The following ZFYVE9 variants were observed in gnomAD, a reference collection of about 807,000 sequenced individuals.
ZFYVE9 encodes the protein zinc finger FYVE domain-containing protein 9.
ZFYVE9 carries 43 observed loss-of-function variants against 126.7 expected under a neutral mutation model. The observed-to-expected ratio is 0.34, with a 90% CI of 0.27 to 0.44. The LOEUF (loss-of-function observed/expected upper bound fraction) is 0.44, where lower values mean the gene tolerates loss of function less well. ZFYVE9 is among the 20% of genes least tolerant of loss of function. The pLI is 1.00. For synonymous variants in ZFYVE9, 521 were observed against 597.4 expected (o/e 0.87, Z 1.87); for missense variants, 1,476 against 1,697.0 (o/e 0.87, Z 2.29).
chr1:52,320,066 G>T (rs1466077832), intron 13 of ZFYVE9, among the ~76,000 whole-genome samples: 1 of 92,364 alleles, frequency 1.1e-5, no homozygotes, highest in Non-Finnish European at 2.3e-5. Context: ...CTTCTTAGAT[G>T]ATGTTAAGAC....
rs576357763 is a variant in ZFYVE9 at position 52,146,637 on chromosome 1, T to A, written c.-143+4234T>A. 1.2e-4 allele frequency among the ~76,000 whole-genome samples: 19 copies of A among 152,270 alleles called. 1 individual carries two copies. In the South Asian group the frequency reaches 3.9e-3, roughly 32 times the overall value. The stretch of plus-strand genomic sequence containing the variant: ...TATAGTTCAGTCCCATGAGTCCTGG[T>A]AAATCCGGACTCTGGAATTGGAAAA... On this transcript the variant is annotated intron_variant, in intron 1 of 18. Transcript: ENST00000287727.
At chr1:52,181,397 C>G (rs1040531219) in intron 1 of ZFYVE9, among the ~76,000 whole-genome samples, 2 of 152,222 alleles carry the variant, frequency 1.3e-5, no homozygotes, top group African/African-American at 4.8e-5. Context: ...CAATGGTGCC[C>G]AGGCTGGAGT....
intron 1 of ZFYVE9, among the ~76,000 whole-genome samples, chr1:52,149,370 A>C (rs569761489): frequency 5.4e-4 from 82 of 152,298 alleles, no homozygotes; most frequent in Non-Finnish European, 7.4e-4. Context: ...CTGGGATTAC[A>C]GACGTGAGCC....
rs767025251 is a variant in ZFYVE9, at chr1:52,293,546, A to G, written c.3119A>G (p.Tyr1040Cys). The G allele has an allele frequency of 2.5e-6, 4 of 1,614,118 alleles. No homozygotes were observed. The highest frequency in any genetic ancestry group is 2.5e-6 in the Non-Finnish European group (3 of 1,180,000). Residue 1040 changes from tyrosine (Y) to cysteine (C), a missense_variant, in exon 11 of 19, where the codon TAC (tyrosine) becomes TGC (cysteine). Physicochemically the swap from Tyr to Cys is radical, Grantham distance 194. Coordinates refer to ENST00000287727, the MANE Select transcript of ZFYVE9 (RefSeq NM_004799.4). ...HGGFLYVTST[Y>C]QSLQDLVLPT... ...GGATTCTTATATGTGACATCTACCT[A>G]CCAGTCACTGCAAGACCTAGTACTC...
chr1:52,177,468 A>C (rs1238102152), intron 1 of ZFYVE9, among the ~76,000 whole-genome samples: 1 of 152,006 alleles, frequency 6.6e-6, no homozygotes, highest in African/African-American at 2.4e-5. Context: ...TTCTTTGTTG[A>C]TTTTTTGTCT....
intron 4 of ZFYVE9, among the ~76,000 whole-genome samples, chr1:52,263,493 A>G (rs1000723308): frequency 1.3e-5 from 2 of 152,160 alleles, no homozygotes; most frequent in African/African-American, 4.8e-5. Flanking sequence ...CCTAGGGGTA[A>G]TTCAGGTGGT....
intron 4 of ZFYVE9, chr1:52,252,787 T>C (rs1569590005): frequency 2.0e-5 from 8 of 405,248 alleles, no homozygotes; most frequent in South Asian, 1.4e-4. Context: ...TGGGCTCCCC[T>C]ACTGCACCAG....
chr1:52,328,372 A>G (rs193160168), intron 13 of ZFYVE9, among the ~76,000 whole-genome samples: 4 of 152,318 alleles, frequency 2.6e-5, no homozygotes, highest in Admixed American at 1.3e-4. Context: ...TGGATAGTCA[A>G]ATATTTATAT....
intron 1 of ZFYVE9, among the ~76,000 whole-genome samples, chr1:52,192,255 A>C (rs1299520148): frequency 2.0e-5 from 3 of 152,200 alleles, no homozygotes; most frequent in African/African-American, 7.2e-5. Flanking sequence ...GTGTAAAAGC[A>C]CTTTTAGGCA....
intron 4 of ZFYVE9, among the ~76,000 whole-genome samples, chr1:52,243,093 A>C (rs1645350986): frequency 6.6e-6 from 1 of 152,228 alleles, no homozygotes; most frequent in African/African-American, 2.4e-5. Flanking sequence ...TGAAGTACTC[A>C]ATAAATGTTT....
At chr1:52,289,735 A>C (rs187406410) in intron 10 of ZFYVE9, among the ~76,000 whole-genome samples, 35 of 152,334 alleles carry the variant, frequency 2.3e-4, no homozygotes, top group South Asian at 8.3e-4. Context: ...TGTAGATGAG[A>C]TGGTACATGA....
At chr1:52,336,044 G>C (rs1202932125) in intron 15 of ZFYVE9, among the ~76,000 whole-genome samples, 2 of 151,986 alleles carry the variant, frequency 1.3e-5, no homozygotes, top group Non-Finnish European at 2.9e-5. Context: ...TGAGGCAGGA[G>C]AATCACTTGA....
At chr1:52,288,244 TG>T (rs1392282315) in intron 10 of ZFYVE9, among the ~76,000 whole-genome samples, 2 of 152,218 alleles carry the variant, frequency 1.3e-5, no homozygotes, top group Non-Finnish European at 2.9e-5. Context: ...AATTCACCTA[TG>T]TTGTCCGTAA....
intron 1 of ZFYVE9, among the ~76,000 whole-genome samples, chr1:52,192,451 T>C (rs1180629364): frequency 1.3e-5 from 2 of 152,232 alleles, no homozygotes; most frequent in Non-Finnish European, 2.9e-5. Flanking sequence ...AGCCTTTGGC[T>C]TATACTGTCA....
At position 52,150,573 on chromosome 1, in the gene ZFYVE9, C is replaced by T. The variant is rs1045163587; in HGVS notation, c.-143+8170C>T. On this transcript the variant is annotated intron_variant, in intron 1 of 18. Coordinates refer to ENST00000287727, the MANE Select transcript of ZFYVE9 (RefSeq NM_004799.4). ...CTTGAGGTCAGGAATTCAAGATCAGCCTGGCCAACATTGTGAAACCCTGTC... is the reference window on the plus strand; with the variant it reads ...CTTGAGGTCAGGAATTCAAGATCAGTCTGGCCAACATTGTGAAACCCTGTC... Among the ~76,000 whole-genome samples the T allele has an allele frequency of 2.6e-5, 4 of 152,026 alleles. No homozygotes were observed. The East Asian group carries it at 5.8e-4, about 22-fold the overall frequency.
At chr1:52,228,663 C>T (rs1463138090) in intron 2 of ZFYVE9, among the ~76,000 whole-genome samples, 1 of 152,182 alleles carries the variant, frequency 6.6e-6, no homozygotes, top group Admixed American at 6.5e-5. Context: ...CAAGTAAGGG[C>T]ATTCCCCTAC....
chr1:52,162,819 G>T, intron 1 of ZFYVE9: 1 of 362,144 alleles, frequency 2.8e-6, no homozygotes, highest in South Asian at 4.1e-5. Context: ...GTGGGATCTG[G>T]ATCAAGTGTG....
chr1:52,330,395 C>T (rs977868386), intron 13 of ZFYVE9, among the ~76,000 whole-genome samples: 2 of 152,114 alleles, frequency 1.3e-5, no homozygotes, highest in African/African-American at 4.8e-5. Context: ...AATGGCTGCT[C>T]CATAGGCAGA....
intron 10 of ZFYVE9, among the ~76,000 whole-genome samples, chr1:52,285,083 G>A (rs1431374683): frequency 1.3e-5 from 2 of 152,002 alleles, no homozygotes; most frequent in African/African-American, 4.8e-5. Context: ...AGTGTTAATG[G>A]CGTACCTAAA....
Sources: gnomAD v4.1 joint callset for allele counts (sites outside exome capture counted in the v4.1 genomes callset) on GRCh38, gnomAD v4.1.1 for gene constraint, MANE v1.5 for transcripts, NCBI Gene and HGNC (gene_info 2026-07-23, HGNC 2026-07-21) for gene names.